Variants in ARID4A observed in about 807,000 individuals in gnomAD.
ARID4A encodes AT-rich interaction domain 4A.
ARID4A carries 39 observed loss-of-function variants against 148.6 expected under a neutral mutation model. The ratio of observed to expected loss-of-function variants is 0.26; its 90% CI spans 0.20 to 0.34. ARID4A has a LOEUF of 0.34. ARID4A is among the 10% of genes least tolerant of loss of function. The pLI is 1.00. For synonymous variants in ARID4A, 475 were observed against 481.2 expected (o/e 0.99, Z 0.17); for missense variants, 1,265 against 1,449.1 (o/e 0.87, Z 2.06).
chr14:58,348,503 C>T (rs753516254), intron 15 of ARID4A, among the ~76,000 whole-genome samples: 3 of 152,158 alleles, frequency 2.0e-5, no homozygotes, highest in South Asian at 2.1e-4. Flanking sequence ...TCTAGTGATG[C>T]GTACATGTAT....
At chr14:58,362,042 TA>T (rs1188925530) in intron 19 of ARID4A, among the ~76,000 whole-genome samples, 2 of 152,188 alleles carry the variant, frequency 1.3e-5, no homozygotes, top group African/African-American at 4.8e-5. Context: ...TAATATATTT[TA>T]ATAGAAGGTG....
chr14:58,342,132 G>T (rs1222002214), intron 11 of ARID4A, among the ~76,000 whole-genome samples: 1 of 152,236 alleles, frequency 6.6e-6, no homozygotes, highest in African/African-American at 2.4e-5. Flanking sequence ...AAGGTGACTA[G>T]CAGCAAGGCT....
At position 58,364,333 on chromosome 14, in the gene ARID4A, T is replaced by G; in HGVS notation, c.2244T>G (p.Asp748Glu). 1 of 1,576,844 alleles carries G rather than the reference T, an allele frequency of 6.3e-7. No homozygotes were observed. The change falls in exon 20 of 24, where the codon GAT becomes GAG. Residue 748 changes from aspartate (D) to glutamate (E), a missense_variant. Asp to Glu is a conservative substitution (Grantham distance 45). Transcript: ENST00000355431. ...KISAHILKEN[D>E]RTQMQPLETL... Reference sequence around the variant, plus strand: ...CTGCACATATATTAAAAGAAAATGATAGGACTCAAATGCAGCCTTTAGAAA... The same window carrying G: ...CTGCACATATATTAAAAGAAAATGAGAGGACTCAAATGCAGCCTTTAGAAA...
chr14:58,326,725 A>C (rs1469482437), intron 8 of ARID4A, among the ~76,000 whole-genome samples: 1 of 152,176 alleles, frequency 6.6e-6, no homozygotes, highest in Non-Finnish European at 1.5e-5. Flanking sequence ...AAGGCCATTA[A>C]ATAGTTCATA....
intron 23 of ARID4A, 29 bp from the exon 24 acceptor site, chr14:58,371,857 G>A: frequency 1.3e-6 from 2 of 1,540,968 alleles, no homozygotes; most frequent in Non-Finnish European, 1.8e-6. Context: ...ACAGTTTTTG[G>A]ATCTAACATA....
chr14:58,309,560 T>A (rs563618302), intron 5 of ARID4A, among the ~76,000 whole-genome samples: 1 of 152,356 alleles, frequency 6.6e-6, no homozygotes, highest in African/African-American at 2.4e-5. Flanking sequence ...TATGTCCAGT[T>A]AAATGTTACC....
chr14:58,309,662 G>A (rs1723638467), intron 5 of ARID4A, among the ~76,000 whole-genome samples: 1 of 151,998 alleles, frequency 6.6e-6, no homozygotes, highest in Middle Eastern at 3.2e-3. Context: ...TACTTGAAAA[G>A]TAAGGAAAAG....
At chr14:58,352,049 A>G (rs1447192872) in intron 16 of ARID4A, among the ~76,000 whole-genome samples, 1 of 152,208 alleles carries the variant, frequency 6.6e-6, no homozygotes, top group Non-Finnish European at 1.5e-5. Flanking sequence ...CACGACTAAA[A>G]ATGAATTTTA....
intron 15 of ARID4A, among the ~76,000 whole-genome samples, chr14:58,349,238 C>T (rs971218701): frequency 1.4e-4 from 21 of 152,132 alleles, no homozygotes; most frequent in African/African-American, 5.1e-4. Flanking sequence ...GACATACTTT[C>T]TTTTCATTAC....
intron 7 of ARID4A, among the ~76,000 whole-genome samples, chr14:58,320,762 G>A (rs1043218852): frequency 7.9e-5 from 12 of 151,848 alleles, no homozygotes; most frequent in Admixed American, 4.6e-4. Context: ...CGTCCACCAC[G>A]ACGCCTGGCT....
chr14:58,367,191 G>A (rs57044214), intron 23 of ARID4A, among the ~76,000 whole-genome samples, 162 bp downstream of exon 23: 40,440 of 152,114 alleles, frequency 0.27, 5,704 homozygotes, highest in East Asian at 0.5. Flanking sequence ...CAGCAACTGA[G>A]TTAATCAGAA....
intron 22 of ARID4A, 102 bp from the exon 23 acceptor site, chr14:58,366,781 A>T: frequency 1.1e-6 from 1 of 911,146 alleles, no homozygotes; most frequent in Non-Finnish European, 1.6e-6. Context: ...TTAATAAACT[A>T]AAGCTTTTGT....
At chr14:58,354,670 G>GA (rs1347654391) in intron 17 of ARID4A, among the ~76,000 whole-genome samples, 2 of 146,588 alleles carry the variant, frequency 1.4e-5, no homozygotes, top group African/African-American at 2.5e-5. Context: ...ATGATAGAGC[G>GA]AAACCCTGTC....
intron 5 of ARID4A, among the ~76,000 whole-genome samples, chr14:58,312,314 T>A (rs1055753862): frequency 1.3e-5 from 2 of 151,974 alleles, no homozygotes; most frequent in African/African-American, 2.4e-5. Flanking sequence ...CCTCCCAGGT[T>A]CAAATGATTC....
At position 58,305,024 on chromosome 14, in the gene ARID4A, C is replaced by G. The variant is rs372930125; in HGVS notation, c.183+15C>G. 1 of 1,570,506 alleles carries G rather than the reference C, an allele frequency of 6.4e-7. No individual in the cohort carries two copies. The highest frequency in any genetic ancestry group is 2.3e-5 in the East Asian group (1 of 43,542). On this transcript the variant is annotated intron_variant, in intron 4 of 23. Coordinates refer to ENST00000355431, the MANE Select transcript of ARID4A (RefSeq NM_002892.4). Reference sequence around the variant, plus strand: ...GTCCTTTAAGAGTATGTATGTTGTACGGTTTAAAATCTGAAATAATCATAG... The same window carrying G: ...GTCCTTTAAGAGTATGTATGTTGTAGGGTTTAAAATCTGAAATAATCATAG...
At chr14:58,326,805 A>G (rs2033239756) in intron 8 of ARID4A, among the ~76,000 whole-genome samples, 1 of 152,164 alleles carries the variant, frequency 6.6e-6, no homozygotes, top group South Asian at 2.1e-4. Flanking sequence ...TTCCTGCCAC[A>G]CCTTTTCCTT....
rs760829140 is a variant in ARID4A, at chr14:58,304,949, C to G, written c.123C>G (p.Leu41=). 10 of 1,607,804 alleles carry G rather than the reference C, an allele frequency of 6.2e-6. No homozygotes were observed. The highest frequency in any genetic ancestry group is 1.8e-4 in the Middle Eastern group (1 of 5,406). The part of the protein sequence containing the change: ...TVKRLVKVKV[L]LKQDNTTQLV... ...TTGTGCAAAATGTTTTTCAGGTACT[C>G]CTGAAACAGGATAATACCACACAAT... The change falls in exon 4 of 24, where the codon CTC becomes CTG. Residue 41 remains leucine (L), a synonymous_variant. Coordinates refer to ENST00000355431, the MANE Select transcript of ARID4A (RefSeq NM_002892.4).
At chr14:58,306,843 C>A (rs571884456) in intron 5 of ARID4A, among the ~76,000 whole-genome samples, 6 of 152,322 alleles carry the variant, frequency 3.9e-5, no homozygotes, top group Middle Eastern at 3.4e-3. Context: ...CATGCCACTG[C>A]ACTCCAGCCT....
rs71107934 is a variant in ARID4A, at chr14:58,319,521, C to CTTTTTTT, written c.449+749_449+755dup. 1.6e-4 allele frequency among the ~76,000 whole-genome samples: 10 copies of CTTTTTTT among 62,092 alleles called. 2 individuals are homozygous for CTTTTTTT. The highest frequency in any genetic ancestry group is 5.9e-4 in the African/African-American group (9 of 15,192). The allele number at this position is 62,092 out of a possible 152,430, so 40.7% of individuals were successfully genotyped here. A position where few individuals can be genotyped will look rare whatever the true frequency, so the allele number is the denominator to read the frequency against. On this transcript the variant is annotated intron_variant, in intron 7 of 23. Coordinates refer to ENST00000355431, the MANE Select transcript of ARID4A (RefSeq NM_002892.4). ...ATCTGTGTATGAATGTCTATATACT[C>CTTTTTTT]TTTTTTTTTTTTTTTTTTTTTTTTT...
Sources: allele counts gnomAD v4.1 joint callset (sites outside exome capture counted in the v4.1 genomes callset), GRCh38; gene constraint gnomAD v4.1.1; transcripts MANE v1.5; gene names NCBI Gene and HGNC (gene_info 2026-07-23, HGNC 2026-07-21).